Variants in CACNA1A observed in about 807,000 individuals in gnomAD.
CACNA1A encodes the protein voltage-dependent P/Q-type calcium channel subunit alpha-1A.
CACNA1A carries 57 observed loss-of-function variants against 262.4 expected under a neutral mutation model. That is an observed-to-expected ratio of 0.22 (90% CI 0.18 to 0.27). CACNA1A has a LOEUF of 0.27. Among genes scored for constraint, CACNA1A ranks in the 10% least tolerant of loss-of-function variants. The pLI is 1.00. For synonymous variants in CACNA1A, 1,431 were observed against 1,419.3 expected (o/e 1.01, Z -0.18); for missense variants, 2,526 against 3,562.8 (o/e 0.71, Z 7.41).
At chr19:13,498,081 G>A (rs1414338074) in intron 1 of CACNA1A, among the ~76,000 whole-genome samples, 7 of 151,862 alleles carry the variant, frequency 4.6e-5, no homozygotes, top group African/African-American at 1.7e-4. Flanking sequence ...ACATTTCACT[G>A]CAGTGATGGT....
chr19:13,245,321 C>T, intron 30 of CACNA1A, 56 bp from the exon 31 acceptor site: 1 of 1,426,786 alleles, frequency 7.0e-7, no homozygotes, highest in Non-Finnish European at 9.9e-7. Flanking sequence ...TTCCCGGCCC[C>T]CTAGGCTGGC....
chr19:13,248,382 G>A (rs2056305651), intron 30 of CACNA1A, among the ~76,000 whole-genome samples: 1 of 137,788 alleles, frequency 7.3e-6, no homozygotes, highest in Non-Finnish European at 1.5e-5. Context: ...TCAAGAACAG[G>A]CTGGGCAACA....
intron 3 of CACNA1A, among the ~76,000 whole-genome samples, chr19:13,407,407 T>C (rs1303143091): frequency 6.6e-6 from 1 of 152,206 alleles, no homozygotes; most frequent in African/African-American, 2.4e-5. Flanking sequence ...ATCTTGGATA[T>C]AGAGATTCCT....
chr19:13,403,913 T>C (rs925438187), intron 3 of CACNA1A, among the ~76,000 whole-genome samples: 1 of 152,062 alleles, frequency 6.6e-6, no homozygotes, highest in African/African-American at 2.4e-5. Context: ...GCCGTGGTCA[T>C]GCCACTGCTC....
At chr19:13,443,932 T>C (rs1185653036) in intron 3 of CACNA1A, among the ~76,000 whole-genome samples, 2 of 152,178 alleles carry the variant, frequency 1.3e-5, no homozygotes, top group Non-Finnish European at 2.9e-5. Context: ...AATGTGATAA[T>C]ACACATAAAA....
At chr19:13,458,081 TGAA>T (rs1354827267) in intron 1 of CACNA1A, among the ~76,000 whole-genome samples, 1 of 152,172 alleles carries the variant, frequency 6.6e-6, no homozygotes, top group Non-Finnish European at 1.5e-5. Flanking sequence ...TAGAACTAGA[TGAA>T]GGTGACAGTT....
At chr19:13,453,993 C>T (rs1280439174) in intron 2 of CACNA1A, among the ~76,000 whole-genome samples, 1 of 152,076 alleles carries the variant, frequency 6.6e-6, no homozygotes, top group African/African-American at 2.4e-5. Flanking sequence ...GTCTTTGACA[C>T]TGTTTCCTGG....
intron 24 of CACNA1A, among the ~76,000 whole-genome samples, chr19:13,264,514 T>C (rs1390905966): frequency 3.3e-5 from 5 of 152,242 alleles, no homozygotes; most frequent in Non-Finnish European, 2.9e-5. Context: ...GGGCATGGCA[T>C]TCAATGCTCT....
intron 3 of CACNA1A, among the ~76,000 whole-genome samples, chr19:13,427,659 T>C (rs1165303514): frequency 6.6e-6 from 1 of 152,026 alleles, no homozygotes; most frequent in African/African-American, 2.4e-5. Flanking sequence ...AAAACAACCC[T>C]TTTAGGATTC....
chr19:13,380,685 G>T (rs985621862), intron 3 of CACNA1A, among the ~76,000 whole-genome samples: 1 of 147,556 alleles, frequency 6.8e-6, no homozygotes, highest in Non-Finnish European at 1.5e-5. Context: ...AAATTTGCTA[G>T]TAGCCACATT....
intron 3 of CACNA1A, 143 bp downstream of exon 3, chr19:13,452,733 T>C (rs2060938090): frequency 1.4e-6 from 1 of 694,288 alleles, no homozygotes; most frequent in Non-Finnish European, 2.5e-6. Flanking sequence ...GGTGGGGTGT[T>C]GGCAGAAAGG....
At chr19:13,275,519 G>T in intron 24 of CACNA1A, 1 of 341,116 alleles carries the variant, frequency 2.9e-6, no homozygotes, top group Non-Finnish European at 5.6e-6. Context: ...GGTTTGGGCG[G>T]CGCTTGTGGA....
chr19:13,431,526 T>C (rs943281572), intron 3 of CACNA1A, among the ~76,000 whole-genome samples: 3 of 151,890 alleles, frequency 2.0e-5, no homozygotes, highest in African/African-American at 7.3e-5. Context: ...CGGTGGTCTT[T>C]TGGAGGAGCT....
rs1226978211 is a variant in CACNA1A at position 13,433,511 on chromosome 19, G to A, written c.539+19365C>T. Reference sequence around the variant, plus strand: ...CAGCTGAAGAAGATGGACCCCCAGGGACATGGAAACTGGTTTGCACCCAGA... The same window carrying A: ...CAGCTGAAGAAGATGGACCCCCAGGAACATGGAAACTGGTTTGCACCCAGA... On this transcript the variant is annotated intron_variant, in intron 3 of 46. Coordinates refer to ENST00000360228, the MANE Select transcript of CACNA1A (RefSeq NM_001127222.2). Among the ~76,000 whole-genome samples, 9 of 145,730 alleles carry A rather than the reference G, an allele frequency of 6.2e-5. No individual in the cohort carries two copies. The Admixed American group carries it at 6.5e-4, about 10-fold the overall frequency.
chr19:13,387,553 C>T (rs1215865170), intron 3 of CACNA1A, among the ~76,000 whole-genome samples: 1 of 152,194 alleles, frequency 6.6e-6, no homozygotes, highest in East Asian at 1.9e-4. Flanking sequence ...TCACCTTCCC[C>T]ACTGGGACCT....
chr19:13,500,832 A>G (rs953602261), intron 1 of CACNA1A, among the ~76,000 whole-genome samples: 2 of 152,362 alleles, frequency 1.3e-5, no homozygotes, highest in African/African-American at 4.8e-5. Flanking sequence ...TGGTCCATCC[A>G]TATCATGGAA....
chr19:13,448,582 G>T (rs1405026894), intron 3 of CACNA1A, among the ~76,000 whole-genome samples: 2 of 152,184 alleles, frequency 1.3e-5, no homozygotes, highest in African/African-American at 4.8e-5. Flanking sequence ...TCAGCCAGCA[G>T]AAGCCAGCCC....
chr19:13,229,929 G>A, intron 36 of CACNA1A, 153 bp downstream of exon 36: 1 of 840,560 alleles, frequency 1.2e-6, no homozygotes, highest in East Asian at 2.7e-5. Flanking sequence ...CAAGGGTGAT[G>A]ATTCTTATAT....
In CACNA1A at chr19:13,322,397, C is replaced by T. The variant is rs182157791; in HGVS notation, c.1346-5076G>A. Among the ~76,000 whole-genome samples the T allele has an allele frequency of 5.9e-4, 90 of 152,164 alleles. 1 individual carries two copies. The highest frequency in any genetic ancestry group is 5.8e-3 in the Admixed American group (89 of 15,274). On this transcript the variant is annotated intron_variant, in intron 10 of 46. Coordinates refer to ENST00000360228, the MANE Select transcript of CACNA1A (RefSeq NM_001127222.2). The stretch of plus-strand genomic sequence containing the variant: ...TGAGGGAACGTGGTGGCTCTGCTGA[C>T]ACCTTGATTTCAGTTTGGACTTCTG...
Sources: gnomAD v4.1 joint callset for allele counts (sites outside exome capture counted in the v4.1 genomes callset) on GRCh38, gnomAD v4.1.1 for gene constraint, MANE v1.5 for transcripts, NCBI Gene and HGNC (gene_info 2026-07-23, HGNC 2026-07-21) for gene names.